The following PAM variants were observed in gnomAD, a reference collection of about 807,000 sequenced individuals.
PAM encodes peptidylglycine alpha-amidating monooxygenase.
A neutral mutation model predicts 122.1 loss-of-function variants in PAM; 72 were observed. The observed-to-expected ratio is 0.59, with a 90% confidence interval of 0.49 to 0.72. The LOEUF is 0.72. PAM is among the 30% of genes least tolerant of loss of function. The pLI, the probability that PAM is intolerant of heterozygous loss-of-function variation, is 0.00. For missense variants in PAM, 1,106 were observed against 1,183.7 expected (o/e 0.93, Z 0.96); for synonymous variants, 389 against 404.4 (o/e 0.96, Z 0.46).
chr5:102,976,982 A>T (rs1028066964), intron 15 of PAM, among the ~76,000 whole-genome samples: 1 of 152,170 alleles, frequency 6.6e-6, no homozygotes, highest in Non-Finnish European at 1.5e-5. Context: ...TCTATTCAGA[A>T]CCCTGATCTG....
In PAM at chr5:102,849,525, T is replaced by A. The variant is rs535368985; in HGVS notation, c.-373-16298T>A. 2.2e-5 allele frequency among the ~76,000 whole-genome samples: 3 copies of A among 133,448 alleles called. No homozygotes were observed. In the South Asian group the frequency reaches 6.9e-4, roughly 31 times the overall value. The allele number at this position is 133,448 out of a possible 152,430, so 87.5% of individuals were successfully genotyped here. A position where few individuals can be genotyped will look rare whatever the true frequency, so the allele number is the denominator to read the frequency against. ...GTGAGCCGAGATCGCGCCACTGCAC[T>A]CCAGCCTGGGTGACAGAGCAAGACT... On this transcript the variant is annotated intron_variant, in intron 1 of 25. Coordinates refer to ENST00000438793, the MANE Select transcript of PAM (RefSeq NM_001177306.2).
intron 21 of PAM, 22 bp downstream of exon 21, chr5:103,009,888 G>T: frequency 7.8e-7 from 1 of 1,274,692 alleles, no homozygotes; most frequent in Non-Finnish European, 1.1e-6. Context: ...CATTGTCTAG[G>T]TTTCAATTTT....
intron 7 of PAM, among the ~76,000 whole-genome samples, chr5:102,945,765 T>A (rs1469046271): frequency 6.8e-6 from 1 of 147,920 alleles, no homozygotes; most frequent in African/African-American, 2.5e-5. Context: ...TGTACAGTTC[T>A]TAACTGTCTG....
chr5:102,999,768 C>A (rs546295073), intron 16 of PAM, among the ~76,000 whole-genome samples: 5 of 152,196 alleles, frequency 3.3e-5, no homozygotes, highest in African/African-American at 4.8e-5. Flanking sequence ...ATACCTTGGC[C>A]TCTTTTAGCC....
At chr5:102,992,456 G>T (rs1220296259) in intron 16 of PAM, among the ~76,000 whole-genome samples, 1 of 152,086 alleles carries the variant, frequency 6.6e-6, no homozygotes, top group Non-Finnish European at 1.5e-5. Flanking sequence ...AGCTCTCTGA[G>T]TAGAATTAGA....
chr5:102,836,402 A>G (rs772120260), intron 1 of PAM, among the ~76,000 whole-genome samples: 23 of 151,818 alleles, frequency 1.5e-4, no homozygotes, highest in Non-Finnish European at 3.2e-4. Flanking sequence ...TTTGTTTTTT[A>G]GTTTTGTTTG....
chr5:102,941,697 G>T (rs758003848), intron 7 of PAM, among the ~76,000 whole-genome samples: 48 of 151,770 alleles, frequency 3.2e-4, no homozygotes, highest in Non-Finnish European at 1.9e-4. Flanking sequence ...AAAAAATCTG[G>T]TAACTCAGAT....
chr5:102,944,792 C>A (rs926256334), intron 7 of PAM, among the ~76,000 whole-genome samples: 2 of 152,138 alleles, frequency 1.3e-5, no homozygotes, highest in Admixed American at 1.3e-4. Context: ...CTTTGCTTCA[C>A]TTATGATTTT....
intron 1 of PAM, among the ~76,000 whole-genome samples, chr5:102,799,065 T>G (rs531296325): frequency 6.6e-6 from 1 of 152,310 alleles, no homozygotes; most frequent in South Asian, 2.1e-4. Context: ...TAAAAGCAGC[T>G]AGGTAAGAAA....
At chr5:102,998,593 A>G (rs1482433401) in intron 16 of PAM, among the ~76,000 whole-genome samples, 2 of 152,210 alleles carry the variant, frequency 1.3e-5, no homozygotes, top group Non-Finnish European at 2.9e-5. Flanking sequence ...GAAATAAACT[A>G]AGAATAAATG....
At chr5:102,910,838 G>A (rs1442218366) in intron 4 of PAM, among the ~76,000 whole-genome samples, 1 of 151,834 alleles carries the variant, frequency 6.6e-6, no homozygotes, top group Non-Finnish European at 1.5e-5. Flanking sequence ...TTTTTAAGAT[G>A]TTATTCTAAA....
chr5:103,005,459 T>C (rs543248545), intron 18 of PAM, among the ~76,000 whole-genome samples: 29 of 152,308 alleles, frequency 1.9e-4, no homozygotes, highest in African/African-American at 6.7e-4. Flanking sequence ...AGTCTGGAAT[T>C]CAAGAACAGG....
intron 1 of PAM, among the ~76,000 whole-genome samples, chr5:102,783,240 A>T (rs1408644132): frequency 1.3e-5 from 2 of 152,156 alleles, no homozygotes; most frequent in Non-Finnish European, 2.9e-5. Flanking sequence ...CAAAAAAAAA[A>T]AAAAAATAGA....
chr5:102,851,414 CTTTATCTCA>C, intron 1 of PAM, among the ~76,000 whole-genome samples: 1 of 152,096 alleles, frequency 6.6e-6, no homozygotes, highest in Non-Finnish European at 1.5e-5. Context: ...CTTAATGAGC[CTTTATCTCA>C]TTACAATGTA....
At chr5:102,826,412 TAAC>T (rs767526669) in intron 1 of PAM, among the ~76,000 whole-genome samples, 22 of 152,230 alleles carry the variant, frequency 1.4e-4, no homozygotes, top group Admixed American at 1.1e-3. Flanking sequence ...CTATCGCTAA[TAAC>T]AATTTAAATA....
chr5:102,980,756 C>G (rs574248115), intron 15 of PAM, among the ~76,000 whole-genome samples: 41 of 152,228 alleles, frequency 2.7e-4, no homozygotes, highest in African/African-American at 9.9e-4. Flanking sequence ...TGAAGTTTTT[C>G]TTTAACTATC....
intron 18 of PAM, among the ~76,000 whole-genome samples, 200 bp from the exon 19 acceptor site, chr5:103,006,601 T>C (rs575852611): frequency 6.6e-6 from 1 of 152,320 alleles, no homozygotes; most frequent in Admixed American, 6.5e-5. Flanking sequence ...TTAATCTTCA[T>C]AGGCTTTATT....
chr5:102,845,313 GA>G (rs1218229302), intron 1 of PAM, among the ~76,000 whole-genome samples: 1 of 152,184 alleles, frequency 6.6e-6, no homozygotes, highest in Non-Finnish European at 1.5e-5. Flanking sequence ...AGCCATAAGG[GA>G]AAACAGGATA....
At chr5:102,846,366 C>T (rs888411145) in intron 1 of PAM, among the ~76,000 whole-genome samples, 5 of 152,174 alleles carry the variant, frequency 3.3e-5, no homozygotes, top group African/African-American at 9.7e-5. Flanking sequence ...GTCTTATTTC[C>T]CATCCCTCTG....
Sources: gnomAD v4.1 joint callset for allele counts (sites outside exome capture counted in the v4.1 genomes callset) on GRCh38, gnomAD v4.1.1 for gene constraint, MANE v1.5 for transcripts, NCBI Gene and HGNC (gene_info 2026-07-23, HGNC 2026-07-21) for gene names.